The following PRKG1 variants were observed in gnomAD, a reference collection of about 807,000 sequenced individuals.
PRKG1 encodes the protein protein kinase cGMP-dependent 1.
PRKG1 carries 35 observed loss-of-function variants against 88.1 expected under a neutral mutation model. The observed-to-expected ratio is 0.40, with a 90% confidence interval of 0.30 to 0.53. The LOEUF is 0.53. Among genes scored for constraint, PRKG1 ranks in the 20% least tolerant of loss-of-function variants. PRKG1 has a pLI of 0.59. For synonymous variants in PRKG1, 303 were observed against 292.5 expected (o/e 1.04, Z -0.37); for missense variants, 540 against 839.8 (o/e 0.64, Z 4.41).
At chr10:51,032,400 T>G (rs1843295045) in intron 1 of PRKG1, among the ~76,000 whole-genome samples, 2 of 152,268 alleles carry the variant, frequency 1.3e-5, no homozygotes, top group East Asian at 3.9e-4. Flanking sequence ...CTTCTGAACT[T>G]TAATTTAATA....
chr10:51,188,983 C>A (rs1458051888), intron 2 of PRKG1, among the ~76,000 whole-genome samples: 1 of 151,864 alleles, frequency 6.6e-6, no homozygotes, highest in South Asian at 2.1e-4. Context: ...GAGGGTTGGG[C>A]TGCACTAATG....
At chr10:51,656,411 A>C (rs927515128) in intron 3 of PRKG1, among the ~76,000 whole-genome samples, 42 of 152,112 alleles carry the variant, frequency 2.8e-4, no homozygotes, top group African/African-American at 1.0e-3. Flanking sequence ...ATTCATTCAA[A>C]AAACTTTGTA....
At chr10:51,551,291 T>C (rs907431018) in intron 3 of PRKG1, among the ~76,000 whole-genome samples, 2 of 151,850 alleles carry the variant, frequency 1.3e-5, no homozygotes, top group African/African-American at 4.8e-5. Context: ...TTCAAAGTTT[T>C]TCTCTGTTAT....
chr10:51,370,263 C>T (rs1036726855), intron 2 of PRKG1, among the ~76,000 whole-genome samples: 2 of 152,004 alleles, frequency 1.3e-5, no homozygotes, highest in Non-Finnish European at 2.9e-5. Flanking sequence ...CTTTGTTCCC[C>T]ACAGGTACTT....
At chr10:52,257,997 T>C (rs1841349087) in intron 10 of PRKG1, among the ~76,000 whole-genome samples, 1 of 139,722 alleles carries the variant, frequency 7.2e-6, no homozygotes, top group South Asian at 2.3e-4. Context: ...CATCTCATTA[T>C]TGTAGAATAA....
chr10:51,756,838 A>T (rs893516301), intron 3 of PRKG1, among the ~76,000 whole-genome samples: 56 of 151,744 alleles, frequency 3.7e-4, no homozygotes, highest in South Asian at 1.2e-3. Context: ...TAAATAAATA[A>T]AATAATAATT....
At chr10:52,264,505 G>A (rs936634298) in intron 10 of PRKG1, among the ~76,000 whole-genome samples, 1 of 151,650 alleles carries the variant, frequency 6.6e-6, no homozygotes, top group African/African-American at 2.4e-5. Flanking sequence ...TTACTTAAAC[G>A]TAAAATCATA....
intron 4 of PRKG1, among the ~76,000 whole-genome samples, chr10:51,830,035 A>T (rs1308876880): frequency 6.6e-6 from 1 of 152,104 alleles, no homozygotes; most frequent in East Asian, 1.9e-4. Flanking sequence ...CATATTCCTT[A>T]ATACCTATAT....
At position 51,066,943 on chromosome 10, in the gene PRKG1, C is replaced by T. The variant is rs1481067405; in HGVS notation, c.266+75299C>T. On this transcript the variant is annotated intron_variant, in intron 1 of 17. Coordinates refer to the PRKG1 transcript ENST00000401604. The stretch of plus-strand genomic sequence containing the variant: ...GCTAGCAGAGCTTTCTTTGACACTC[C>T]TCTTAGAACAACATATTTGCCTGCT... Among the ~76,000 whole-genome samples, 3 of 151,992 alleles carry T rather than the reference C, an allele frequency of 2.0e-5. No individual in the cohort carries two copies. The East Asian group carries it at 5.8e-4, about 29-fold the overall frequency.
intron 3 of PRKG1, among the ~76,000 whole-genome samples, chr10:51,577,698 G>C (rs1216884320): frequency 6.6e-6 from 1 of 151,960 alleles, no homozygotes; most frequent in African/African-American, 2.4e-5. Flanking sequence ...ATAAACAAAA[G>C]CATTCAAAAC....
chr10:51,381,593 C>T (rs1432363912), intron 2 of PRKG1, among the ~76,000 whole-genome samples: 2 of 152,048 alleles, frequency 1.3e-5, no homozygotes, highest in African/African-American at 4.8e-5. Flanking sequence ...TGGCCTTGAG[C>T]CAATGAAATT....
At chr10:52,138,187 T>G (rs910653851) in intron 8 of PRKG1, among the ~76,000 whole-genome samples, 9 of 151,930 alleles carry the variant, frequency 5.9e-5, no homozygotes, top group Admixed American at 3.3e-4. Flanking sequence ...CTGCCCCAGT[T>G]GTCTGATTGC....
chr10:52,138,024 T>G (rs1336551898), intron 8 of PRKG1, among the ~76,000 whole-genome samples: 1 of 152,064 alleles, frequency 6.6e-6, no homozygotes, highest in Admixed American at 6.6e-5. Context: ...CCCAGGAAAT[T>G]AAGATTTAAA....
At chr10:52,033,961 G>C (rs573512694) in intron 5 of PRKG1, among the ~76,000 whole-genome samples, 4 of 114,998 alleles carry the variant, frequency 3.5e-5, no homozygotes, top group Admixed American at 9.2e-5. Context: ...AGTGGGGGTC[G>C]CAAGGTGCTC....
chr10:51,758,270 G>C (rs890699613), intron 3 of PRKG1, among the ~76,000 whole-genome samples: 3 of 152,102 alleles, frequency 2.0e-5, no homozygotes, highest in Non-Finnish European at 4.4e-5. Context: ...CTTCTAATTT[G>C]ATGTATAAAT....
intron 9 of PRKG1, among the ~76,000 whole-genome samples, chr10:52,209,567 T>C (rs1185197009): frequency 2.0e-5 from 3 of 151,782 alleles, no homozygotes; most frequent in Non-Finnish European, 4.4e-5. Context: ...ATCAAAGGAG[T>C]TTTAGAACCT....
At chr10:51,531,580 G>A (rs1271814393) in intron 3 of PRKG1, among the ~76,000 whole-genome samples, 2 of 148,096 alleles carry the variant, frequency 1.4e-5, no homozygotes, top group Non-Finnish European at 3.0e-5. Context: ...ACTTGTCAAA[G>A]TCCTTCAAGT....
chr10:51,750,333 A>AT (rs1049529242), intron 3 of PRKG1, among the ~76,000 whole-genome samples: 20 of 152,212 alleles, frequency 1.3e-4, no homozygotes, highest in African/African-American at 4.3e-4. Flanking sequence ...CAATTTGAGT[A>AT]TTTTTTGCAT....
chr10:51,847,508 T>C (rs1052917406), intron 4 of PRKG1, among the ~76,000 whole-genome samples: 6 of 152,000 alleles, frequency 3.9e-5, no homozygotes, highest in African/African-American at 1.2e-4. Flanking sequence ...ATGTAATTAC[T>C]CATTGCAAAT....
Sources: allele counts gnomAD v4.1 joint callset (sites outside exome capture counted in the v4.1 genomes callset), GRCh38; gene constraint gnomAD v4.1.1; transcripts MANE v1.5; gene names NCBI Gene and HGNC (gene_info 2026-07-23, HGNC 2026-07-21).